Variants in ADGRL2 observed in about 807,000 individuals in gnomAD.
The protein encoded by ADGRL2 is adhesion G protein-coupled receptor L2.
ADGRL2 carries 44 observed loss-of-function variants against 157.4 expected under a neutral mutation model. That is an observed-to-expected ratio of 0.28 (90% CI 0.22 to 0.36). The LOEUF is 0.36. Ranked by LOEUF, ADGRL2 falls within the 10% of genes least tolerant of loss-of-function variation. The pLI, the probability that ADGRL2 is intolerant of heterozygous loss-of-function variation, is 1.00. For synonymous variants in ADGRL2, 585 were observed against 624.7 expected, an observed-to-expected ratio of 0.94 and a Z score of 0.95; for missense variants, 1,510 against 1,768.9, an observed-to-expected ratio of 0.85 and a Z score of 2.63.
In ADGRL2 at chr1:81,813,530, G is replaced by GT. The variant is rs566125123; in HGVS notation, c.-101+12463dup. On this transcript the variant is annotated intron_variant, in intron 1 of 23. Coordinates refer to ENST00000686636, the MANE Select transcript of ADGRL2 (RefSeq NM_001366006.2). The stretch of plus-strand genomic sequence containing the variant: ...AGTAGTATTCTCTCAGCGTGGCCCC[G>GT]TATTATCTTAACAAGTGTGTGCCAC... 1.3e-4 allele frequency among the ~76,000 whole-genome samples: 19 copies of GT among 151,624 alleles called. No homozygotes were observed. The South Asian group carries it at 3.7e-3, about 30-fold the overall frequency.
At chr1:81,548,985 CATTA>C (rs1479883441) in intron 2 of ADGRL2, among the ~76,000 whole-genome samples, 3 of 152,222 alleles carry the variant, frequency 2.0e-5, no homozygotes, top group African/African-American at 7.2e-5. Context: ...GTCCAAAGCT[CATTA>C]CAAGGTTGTA....
At chr1:81,610,671 C>T (rs1192732405) in intron 3 of ADGRL2, among the ~76,000 whole-genome samples, 1 of 152,030 alleles carries the variant, frequency 6.6e-6, no homozygotes, top group Non-Finnish European at 1.5e-5. Flanking sequence ...TGTGAGACCA[C>T]TTAGGAAGCT....
intron 2 of ADGRL2, among the ~76,000 whole-genome samples, chr1:81,554,299 C>T (rs764663246): frequency 2.0e-5 from 3 of 152,120 alleles, no homozygotes; most frequent in Non-Finnish European, 4.4e-5. Context: ...CAGAGTGCCA[C>T]TTGTGAGTTG....
intron 2 of ADGRL2, among the ~76,000 whole-genome samples, chr1:81,488,021 C>T (rs181056179): frequency 2.0e-5 from 3 of 152,288 alleles, no homozygotes; most frequent in East Asian, 1.9e-4. Flanking sequence ...AAAGTGCAGA[C>T]GAAATGGCTA....
At chr1:81,979,625 A>G (rs1252874561) in intron 17 of ADGRL2, among the ~76,000 whole-genome samples, 3 of 109,668 alleles carry the variant, frequency 2.7e-5, no homozygotes, top group Non-Finnish European at 6.1e-5. Context: ...AGGTTTTCTA[A>G]TTTATTTAAT....
chr1:81,459,051 G>C (rs538542462), intron 2 of ADGRL2, among the ~76,000 whole-genome samples: 1 of 152,310 alleles, frequency 6.6e-6, no homozygotes, highest in South Asian at 2.1e-4. Flanking sequence ...GGACCCAAAA[G>C]CAGATAGCCA....
In ADGRL2 at chr1:81,848,281, A is replaced by T. The variant is rs577035325; in HGVS notation, c.73+11224A>T. Reference sequence around the variant, plus strand: ...ATTTTAAAAATAGAGACTCCTATATAGGTACCTGAGAGGTCGAAGTATTTT... The same window carrying T: ...ATTTTAAAAATAGAGACTCCTATATTGGTACCTGAGAGGTCGAAGTATTTT... On this transcript the variant is annotated intron_variant, in intron 2 of 23. Transcript: ENST00000686636. Among the ~76,000 whole-genome samples the T allele has an allele frequency of 2.6e-5, 4 of 152,006 alleles. 1 individual carries two copies. In the South Asian group the frequency reaches 8.3e-4, roughly 31 times the overall value.
chr1:81,505,960 G>C (rs113151160), intron 2 of ADGRL2: 45 of 223,252 alleles, frequency 2.0e-4, no homozygotes, highest in Admixed American at 4.1e-4. Flanking sequence ...ATCATTGCAC[G>C]TAAATCAGAT....
At chr1:81,579,179 T>C (rs560588797) in intron 2 of ADGRL2, 1 of 152,248 alleles carries the variant, frequency 6.6e-6, no homozygotes, top group Non-Finnish European at 1.5e-5. Flanking sequence ...TGTGTATCCA[T>C]GGTTTAAGCT....
At chr1:81,503,578 C>G (rs766282187) in intron 2 of ADGRL2, 34 of 1,283,446 alleles carry the variant, frequency 2.6e-5, no homozygotes, top group African/African-American at 4.3e-5. Flanking sequence ...CACCATTTGG[C>G]CAGACATTGA....
intron 1 of ADGRL2, among the ~76,000 whole-genome samples, chr1:81,385,964 G>A (rs1226264333): frequency 1.3e-5 from 2 of 151,950 alleles, no homozygotes; most frequent in East Asian, 1.9e-4. Context: ...CACATAGCTC[G>A]ATATGTCTCT....
At chr1:81,522,109 C>T (rs1381722360) in intron 2 of ADGRL2, among the ~76,000 whole-genome samples, 4 of 151,618 alleles carry the variant, frequency 2.6e-5, no homozygotes, top group Admixed American at 6.6e-5. Context: ...GGATTACAGG[C>T]GCACACCACT....
At chr1:81,926,845 G>T (rs948682694) in intron 3 of ADGRL2, among the ~76,000 whole-genome samples, 5 of 151,934 alleles carry the variant, frequency 3.3e-5, no homozygotes, top group African/African-American at 1.2e-4. Flanking sequence ...AACAGATTTT[G>T]TACTGGATTA....
At chr1:81,467,055 A>G (rs75978605) in intron 2 of ADGRL2, among the ~76,000 whole-genome samples, 4,096 of 151,988 alleles carry the variant, frequency 0.027, 82 homozygotes, top group Non-Finnish European at 0.041. Context: ...TTAAAAAAAA[A>G]AAAAGAAAAA....
intron 1 of ADGRL2, among the ~76,000 whole-genome samples, chr1:81,413,417 A>T (rs1392198501): frequency 6.6e-6 from 1 of 152,204 alleles, no homozygotes; most frequent in Non-Finnish European, 1.5e-5. Flanking sequence ...GTCATTAATA[A>T]CCAAAGTATC....
intron 2 of ADGRL2, among the ~76,000 whole-genome samples, chr1:81,774,449 T>C (rs968735171): frequency 2.0e-5 from 3 of 152,196 alleles, no homozygotes; most frequent in African/African-American, 7.2e-5. Context: ...TTCCCAAACT[T>C]GACTGTGCAT....
rs190195958 is a variant in ADGRL2 at position 81,593,514 on chromosome 1, G to A, written c.-143+12534G>A. Reference sequence around the variant, plus strand: ...ATTTAGTGCATAGTGTACACTGAGTGTTGGCTTGATTATTGCTGATGTTCC... The same window carrying A: ...ATTTAGTGCATAGTGTACACTGAGTATTGGCTTGATTATTGCTGATGTTCC... On this transcript the variant is annotated intron_variant, in intron 3 of 24. Coordinates refer to the ADGRL2 transcript ENST00000370721. Among the ~76,000 whole-genome samples, 59 of 152,260 alleles carry A rather than the reference G, an allele frequency of 3.9e-4. 1 individual carries two copies. The highest frequency in any genetic ancestry group is 2.5e-3 in the South Asian group (12 of 4,822).
intron 1 of ADGRL2, among the ~76,000 whole-genome samples, chr1:81,411,051 C>T (rs972502541): frequency 9.2e-5 from 14 of 152,156 alleles, no homozygotes; most frequent in African/African-American, 3.4e-4. Context: ...CTCCAGATGA[C>T]CATTTTAGTT....
chr1:81,960,506 C>G (rs543873763), intron 11 of ADGRL2, among the ~76,000 whole-genome samples: 1 of 150,432 alleles, frequency 6.6e-6, no homozygotes, highest in African/African-American at 2.4e-5. Flanking sequence ...CCAGAATCTT[C>G]CTCTGTTGCC....
Sources: gnomAD v4.1 joint callset for allele counts (sites outside exome capture counted in the v4.1 genomes callset) on GRCh38, gnomAD v4.1.1 for gene constraint, MANE v1.5 for transcripts, NCBI Gene and HGNC (gene_info 2026-07-23, HGNC 2026-07-21) for gene names.